Variants in TANC1 observed in about 807,000 individuals in gnomAD.
TANC1 encodes protein TANC1.
Under a neutral mutation model 149.7 loss-of-function variants are expected in TANC1, and 77 were observed. The ratio of observed to expected loss-of-function variants is 0.51; its 90% CI spans 0.43 to 0.62. TANC1 has a LOEUF of 0.62. Among genes scored for constraint, TANC1 ranks in the 20% least tolerant of loss-of-function variants. The pLI is 0.00. For missense variants in TANC1, 1,985 were observed against 2,321.8 expected, an observed-to-expected ratio of 0.85 and a Z score of 2.98; for synonymous variants, 854 against 925.0, an observed-to-expected ratio of 0.92 and a Z score of 1.39.
At chr2:159,051,362 G>A (rs926980933) in intron 2 of TANC1, among the ~76,000 whole-genome samples, 7 of 152,152 alleles carry the variant, frequency 4.6e-5, no homozygotes, top group Admixed American at 3.9e-4. Flanking sequence ...TCTGTGCTGC[G>A]TCACAATAGT....
intron 16 of TANC1, among the ~76,000 whole-genome samples, chr2:159,188,700 A>T (rs550384455): frequency 6.6e-6 from 1 of 152,382 alleles, no homozygotes; most frequent in African/African-American, 2.4e-5. Context: ...GTGAGCTTCC[A>T]GTGTACTTAG....
At chr2:159,017,978 GGTGGAACTCTT>G (rs1415674811) in intron 2 of TANC1, among the ~76,000 whole-genome samples, 7 of 152,178 alleles carry the variant, frequency 4.6e-5, no homozygotes, top group African/African-American at 1.7e-4. Flanking sequence ...TTTATAGCCT[GGTGGAACTCTT>G]AGTGTATGTG....
At chr2:159,145,995 A>G (rs1345234077) in intron 5 of TANC1, among the ~76,000 whole-genome samples, 1 of 152,224 alleles carries the variant, frequency 6.6e-6, no homozygotes, top group Non-Finnish European at 1.5e-5. Context: ...TAGACTTGCT[A>G]TTTAGAGTGG....
At chr2:159,224,920 T>C in intron 23 of TANC1, 1 of 160,242 alleles carries the variant, frequency 6.2e-6, no homozygotes, top group Non-Finnish European at 1.4e-5. Flanking sequence ...GTCACTATTT[T>C]GGTTTGATGT....
At position 159,061,925 on chromosome 2, in the gene TANC1, T is replaced by C. The variant is rs118182995; in HGVS notation, c.-15-3971T>C. Among the ~76,000 whole-genome samples, 384 of 152,312 alleles carry C rather than the reference T, an allele frequency of 2.5e-3. 6 individuals carry two copies. In the East Asian group the frequency reaches 0.032, roughly 13 times the overall value. ...GATTGTTTGGTCAGTATTTGAGTTATACCTGTGCCTTTGGTCTATAATATA... is the reference window on the plus strand; with the variant it reads ...GATTGTTTGGTCAGTATTTGAGTTACACCTGTGCCTTTGGTCTATAATATA... On this transcript the variant is annotated intron_variant, in intron 2 of 26. Transcript: ENST00000263635.
At chr2:159,068,499 A>G (rs1037967524) in intron 3 of TANC1, among the ~76,000 whole-genome samples, 4 of 152,204 alleles carry the variant, frequency 2.6e-5, no homozygotes, top group Non-Finnish European at 2.9e-5. Flanking sequence ...ATCTTTTACT[A>G]CACTTTTATG....
chr2:159,047,921 T>C (rs1333658581), intron 2 of TANC1, among the ~76,000 whole-genome samples: 1 of 152,208 alleles, frequency 6.6e-6, no homozygotes, highest in Non-Finnish European at 1.5e-5. Context: ...AGTGTAATAA[T>C]ACAACACATT....
intron 2 of TANC1, among the ~76,000 whole-genome samples, chr2:159,024,472 T>C (rs1299510644): frequency 6.6e-6 from 1 of 152,122 alleles, no homozygotes; most frequent in Non-Finnish European, 1.5e-5. Context: ...CCTATAGGCA[T>C]GGGCGCAGTG....
chr2:159,142,793 A>C (rs11684228), intron 5 of TANC1, among the ~76,000 whole-genome samples: 3 of 151,436 alleles, frequency 2.0e-5, no homozygotes, highest in Non-Finnish European at 4.4e-5. Flanking sequence ...GCCAGGCACG[A>C]TGGCTGACAC....
At position 159,071,635 on chromosome 2, in the gene TANC1, G is replaced by C. The variant is rs141883296; in HGVS notation, c.61+5664G>C. ...AACTTGGTATTTTAAGCCATTCCAG[G>C]CTGCAGCCTGGCTTTCAGTGGTACC... is the stretch of plus-strand genomic sequence containing the variant. On this transcript the variant is annotated intron_variant, in intron 3 of 26. Coordinates refer to ENST00000263635, the MANE Select transcript of TANC1 (RefSeq NM_033394.3). Among the ~76,000 whole-genome samples the C allele has an allele frequency of 4.9e-4, 74 of 152,234 alleles. 1 individual carries two copies. The East Asian group carries it at 0.014, about 29-fold the overall frequency.
In TANC1 at chr2:159,227,744, G is replaced by A. The variant is rs902952837; in HGVS notation, c.3904-75G>A. ...TTGCAGGGGGGAGTAAACTCCCCAC[G>A]GTGTTCCAGGTGTGGGAGTTATTCA... is the stretch of plus-strand genomic sequence containing the variant. On this transcript the variant is annotated intron_variant, in intron 24 of 26. Coordinates refer to ENST00000263635, the MANE Select transcript of TANC1 (RefSeq NM_033394.3). The A allele has an allele frequency of 5.2e-6, 8 of 1,526,008 alleles. No homozygotes were observed. The South Asian group carries it at 5.8e-5, about 11-fold the overall frequency. 94.5% of individuals were successfully genotyped at this position (1,526,008 alleles called of 1,614,324 possible). A position where few individuals can be genotyped will look rare whatever the true frequency, so the allele number is the denominator to read the frequency against.
rs113069115 is a variant in TANC1, at chr2:159,082,972, G to A, written c.62-14665G>A. Reference sequence around the variant, plus strand: ...TTATTCTTTATTTATTTAAGACAGAGTCTTGCTTTGTCTCCCAGGCTGGAG... The same window carrying A: ...TTATTCTTTATTTATTTAAGACAGAATCTTGCTTTGTCTCCCAGGCTGGAG... On this transcript the variant is annotated intron_variant, in intron 3 of 26. Transcript: ENST00000263635. 2.9e-4 allele frequency among the ~76,000 whole-genome samples: 44 copies of A among 152,256 alleles called. 1 individual carries two copies. Among genetic ancestry groups the A allele is most frequent in the African/African-American group, 1.0e-3 (42 of 41,556 alleles).
chr2:159,214,181 G>C lies in TANC1; in HGVS notation c.3245-3316G>C, dbSNP rs368681478. Among the ~76,000 whole-genome samples, 34 of 107,806 alleles carry C rather than the reference G, an allele frequency of 3.2e-4. 1 individual carries two copies. In the East Asian group the frequency reaches 1.0e-2, roughly 32 times the overall value. 70.7% of individuals were successfully genotyped at this position (107,806 alleles called of 152,430 possible). A position where few individuals can be genotyped will look rare whatever the true frequency, so the allele number is the denominator to read the frequency against. On this transcript the variant is annotated intron_variant, in intron 19 of 26. Transcript: ENST00000263635. Reference sequence around the variant, plus strand: ...ACAGCAAATGTTGTGGTGGTTGGGTGGGGGGTGGGTATTGTGTTTGTTACA... The same window carrying C: ...ACAGCAAATGTTGTGGTGGTTGGGTCGGGGGTGGGTATTGTGTTTGTTACA...
chr2:159,209,804 G>A (rs188167732), intron 19 of TANC1, among the ~76,000 whole-genome samples: 129 of 152,264 alleles, frequency 8.5e-4, no homozygotes, highest in Non-Finnish European at 1.6e-3. Flanking sequence ...TGTGGCCATC[G>A]GGCCTGCCAC....
intron 2 of TANC1, among the ~76,000 whole-genome samples, chr2:159,050,242 C>CT (rs2041368797): frequency 6.6e-6 from 1 of 152,120 alleles, no homozygotes; most frequent in Admixed American, 6.5e-5. Context: ...AGTACTGTGA[C>CT]TACAGGCATG....
At chr2:159,065,836 C>A in intron 2 of TANC1, 60 bp from the exon 3 acceptor site, 2 of 1,398,040 alleles carry the variant, frequency 1.4e-6, no homozygotes, top group Non-Finnish European at 1.0e-6. Flanking sequence ...TGTCAAGACA[C>A]AAGTTATATT....
At chr2:159,017,100 A>T (rs905389388) in intron 2 of TANC1, among the ~76,000 whole-genome samples, 6 of 152,166 alleles carry the variant, frequency 3.9e-5, no homozygotes, top group Non-Finnish European at 8.8e-5. Flanking sequence ...TAAACTGCAT[A>T]CCTTGCCTAT....
intron 4 of TANC1, among the ~76,000 whole-genome samples, chr2:159,110,369 A>G (rs966256244): frequency 1.1e-4 from 16 of 152,244 alleles, no homozygotes; most frequent in Admixed American, 5.2e-4. Flanking sequence ...TACAGTGAGT[A>G]GGCACTGTCC....
At chr2:159,147,034 G>T (rs2150295396) in intron 5 of TANC1, among the ~76,000 whole-genome samples, 1 of 152,284 alleles carries the variant, frequency 6.6e-6, no homozygotes, top group East Asian at 1.9e-4. Context: ...TCCCCCTGCT[G>T]CACATAGGAC....
Sources: allele counts gnomAD v4.1 joint callset (sites outside exome capture counted in the v4.1 genomes callset), GRCh38; gene constraint gnomAD v4.1.1; transcripts MANE v1.5; gene names NCBI Gene and HGNC (gene_info 2026-07-23, HGNC 2026-07-21).